INVS: variants seen among roughly 807,000 people sequenced by gnomAD.
The protein encoded by INVS is inversin.
A neutral mutation model predicts 108.8 loss-of-function variants in INVS; 86 were observed. The ratio of observed to expected loss-of-function variants is 0.79; its 90% CI spans 0.66 to 0.95. The LOEUF (loss-of-function observed/expected upper bound fraction) is 0.95, where lower values mean the gene tolerates loss of function less well. Ranked by LOEUF, INVS falls within the 40% of genes least tolerant of loss-of-function variation. INVS has a pLI of 0.00. For missense variants in INVS, 1,169 were observed against 1,297.4 expected (o/e 0.90, Z 1.52); for synonymous variants, 455 against 473.5 (o/e 0.96, Z 0.51).
rs538204399 is a variant in INVS, at chr9:100,203,321, G to A, written c.274-22741G>A. On this transcript the variant is annotated intron_variant, in intron 3 of 16. Coordinates refer to ENST00000262457, the MANE Select transcript of INVS (RefSeq NM_014425.5). ...CTATTACTCAGTAGCTCGACTTCTT[G>A]TTGTTAATAACTGTAGTCTCGGGTA... Among the ~76,000 whole-genome samples, 165 of 151,936 alleles carry A rather than the reference G, an allele frequency of 1.1e-3. 2 individuals carry two copies. Among genetic ancestry groups the A allele is most frequent in the Non-Finnish European group, 1.9e-3 (128 of 67,952 alleles).
chr9:100,157,515 CT>C (rs1829037775), intron 3 of INVS, among the ~76,000 whole-genome samples: 1 of 152,068 alleles, frequency 6.6e-6, no homozygotes, highest in African/African-American at 2.4e-5. Context: ...ATCCGCCCGC[CT>C]CGGCCTCCCA....
rs62578284 is a variant in INVS, at chr9:100,155,813, G to A, written c.273+29264G>A. Among the ~76,000 whole-genome samples, 492 of 152,294 alleles carry A rather than the reference G, an allele frequency of 3.2e-3. 4 individuals carry two copies. The highest frequency in any genetic ancestry group is 6.8e-3 in the Middle Eastern group (2 of 294). ...TAAGTGGATCACTATATAAAGGTAA[G>A]ATGAAGCAAGTGAATATGTCAATTT... On this transcript the variant is annotated intron_variant, in intron 3 of 16. Transcript: ENST00000262457.
At chr9:100,235,042 G>A (rs191115449) in intron 5 of INVS, among the ~76,000 whole-genome samples, 1 of 152,132 alleles carries the variant, frequency 6.6e-6, no homozygotes, top group Non-Finnish European at 1.5e-5. Flanking sequence ...ATGAATCTGG[G>A]TGCTCCTGTA....
intron 10 of INVS, among the ~76,000 whole-genome samples, chr9:100,255,101 G>A (rs917737574): frequency 6.6e-6 from 1 of 152,082 alleles, no homozygotes; most frequent in African/African-American, 2.4e-5. Flanking sequence ...ATTGAGCAGT[G>A]GTTTGTAGTT....
chr9:100,100,828 T>TAC (rs1826888358), intron 1 of INVS, among the ~76,000 whole-genome samples: 1 of 17,558 alleles, frequency 5.7e-5, no homozygotes, highest in Non-Finnish European at 7.5e-5. Context: ...ATAATATATG[T>TAC]ATATATAATA....
At chr9:100,278,274 C>T (rs1027995992) in intron 12 of INVS, among the ~76,000 whole-genome samples, 2 of 148,918 alleles carry the variant, frequency 1.3e-5, no homozygotes, top group Non-Finnish European at 3.0e-5. Flanking sequence ...AGGAGCTGGT[C>T]TCTGAGATCT....
chr9:100,100,961 A>G (rs1392994301), intron 1 of INVS, among the ~76,000 whole-genome samples: 9 of 41,564 alleles, frequency 2.2e-4, no homozygotes, highest in African/African-American at 7.3e-4. Context: ...TATATTATAT[A>G]TATAATATAT....
intron 3 of INVS, among the ~76,000 whole-genome samples, chr9:100,154,813 A>T (rs1828922497): frequency 6.6e-6 from 1 of 152,208 alleles, no homozygotes; most frequent in Admixed American, 6.5e-5. Flanking sequence ...AGGGAGAAGG[A>T]GATAATGTAG....
rs1411250393 is a variant in INVS, at chr9:100,300,800, A to C, written c.*126A>C. On this transcript the variant is annotated 3_prime_UTR_variant, in exon 17 of 17. Coordinates refer to ENST00000262457, the MANE Select transcript of INVS (RefSeq NM_014425.5). ...TCCGTACCTGAAGGCTGATTCACCT[A>C]AAAATGTGTTAACTGAAAGAAAATG... The C allele has an allele frequency of 5.7e-6, 4 of 705,204 alleles. No homozygotes were observed. The highest frequency in any genetic ancestry group is 1.0e-5 in the Non-Finnish European group (4 of 394,466). 43.7% of individuals were successfully genotyped at this position (705,204 alleles called of 1,614,324 possible). A position where few individuals can be genotyped will look rare whatever the true frequency, so the allele number is the denominator to read the frequency against.
intron 2 of INVS, among the ~76,000 whole-genome samples, chr9:100,115,254 C>G (rs1042833545): frequency 1.3e-5 from 2 of 151,430 alleles, no homozygotes; most frequent in Non-Finnish European, 2.9e-5. Context: ...TCTATTAAAA[C>G]CTTTTGGCCA....
chr9:100,173,293 G>T (rs572514425), intron 3 of INVS, among the ~76,000 whole-genome samples: 1 of 152,212 alleles, frequency 6.6e-6, no homozygotes, highest in African/African-American at 2.4e-5. Flanking sequence ...ACCGTAAGAA[G>T]AGGATAGCAC....
In INVS at chr9:100,248,494, TA is replaced by T. The variant is rs200627579; in HGVS notation, c.1078+1712del. On this transcript the variant is annotated intron_variant, in intron 8 of 16. Transcript: ENST00000262457. The stretch of plus-strand genomic sequence containing the variant: ...CAGGGTTTTTTTTTTTCCTTCCCAT[TA>T]AAAAGAGGTCTTACCAATAGCAATG... Among the ~76,000 whole-genome samples the T allele has an allele frequency of 9.2e-3, 1,393 of 152,152 alleles. 11 individuals are homozygous for T. Among genetic ancestry groups the T allele is most frequent in the Middle Eastern group, 0.051 (15 of 294 alleles).
chr9:100,124,684 TG>T (rs1827831522), intron 2 of INVS, among the ~76,000 whole-genome samples: 1 of 152,218 alleles, frequency 6.6e-6, no homozygotes. Context: ...AGCACTTTTT[TG>T]AGAGTTGTTT....
At chr9:100,186,335 T>C (rs1830055501) in intron 3 of INVS, among the ~76,000 whole-genome samples, 2 of 152,074 alleles carry the variant, frequency 1.3e-5, no homozygotes, top group African/African-American at 4.8e-5. Flanking sequence ...GTATTTTTAG[T>C]AGAGACGGGG....
At chr9:100,119,588 A>G (rs1377094638) in intron 2 of INVS, among the ~76,000 whole-genome samples, 4 of 151,970 alleles carry the variant, frequency 2.6e-5, no homozygotes, top group Non-Finnish European at 5.9e-5. Context: ...ACAGAGTCTC[A>G]CTCTGTCACC....
At chr9:100,187,004 G>A (rs7859492) in intron 3 of INVS, among the ~76,000 whole-genome samples, 47,797 of 151,912 alleles carry the variant, frequency 0.31, 8,622 homozygotes, top group Non-Finnish European at 0.42. Context: ...TTAGATTTCA[G>A]TCATTCATCC....
rs755934126 is a variant in INVS, at chr9:100,272,912, C to T, written c.1620C>T (p.Ile540=). 1 of 1,614,032 alleles carries T rather than the reference C, an allele frequency of 6.2e-7. No individual in the cohort carries two copies. The highest frequency in any genetic ancestry group is 2.2e-5 in the East Asian group (1 of 44,874). ...YALLGERHEV[I]QFMLEHGALS... ...TGCTTGGTGAGCGCCATGAAGTGAT[C>T]CAGTTCATGTTGGAGCACGGTGCCC... The change falls in exon 12 of 17, where the codon ATC becomes ATT. Residue 540 remains isoleucine, a synonymous_variant. Coordinates refer to ENST00000262457, the MANE Select transcript of INVS (RefSeq NM_014425.5).
rs193056300 is a variant in INVS at position 100,257,984 on chromosome 9, A to T, written c.1464+4848A>T. On this transcript the variant is annotated intron_variant, in intron 10 of 16. Coordinates refer to ENST00000262457, the MANE Select transcript of INVS (RefSeq NM_014425.5). Reference sequence around the variant, plus strand: ...TTCTAGGTTGGGGAAGTTCTCCTGGATAATATCCTGAACAGTGTTTTCCAA... The same window carrying T: ...TTCTAGGTTGGGGAAGTTCTCCTGGTTAATATCCTGAACAGTGTTTTCCAA... Among the ~76,000 whole-genome samples, 5 of 152,278 alleles carry T rather than the reference A, an allele frequency of 3.3e-5. No individual in the cohort carries two copies. The East Asian group carries it at 9.6e-4, about 29-fold the overall frequency.
intron 2 of INVS, among the ~76,000 whole-genome samples, chr9:100,105,850 CTTTTTTTT>C (rs543070811): frequency 6.3e-5 from 4 of 63,798 alleles, no homozygotes; most frequent in African/African-American, 1.2e-4. Context: ...GAAAAATTCC[CTTTTTTTT>C]TTTTTTTTTT....
Sources: allele counts gnomAD v4.1 joint callset (sites outside exome capture counted in the v4.1 genomes callset), GRCh38; gene constraint gnomAD v4.1.1; transcripts MANE v1.5; gene names NCBI Gene and HGNC (gene_info 2026-07-23, HGNC 2026-07-21).